The following BMPER variants were observed in gnomAD, a reference collection of about 807,000 sequenced individuals.
BMPER encodes the protein BMP binding endothelial regulator.
In BMPER, 45 loss-of-function variants were observed where a neutral mutation model predicts 87.3. The observed-to-expected ratio is 0.52, with a 90% CI of 0.41 to 0.66. The LOEUF is 0.66. Among genes scored for constraint, BMPER ranks in the 30% least tolerant of loss-of-function variants. The pLI is 0.00. For synonymous variants in BMPER, 326 were observed against 316.2 expected (o/e 1.03, Z -0.33); for missense variants, 784 against 867.5 (o/e 0.90, Z 1.21).
chr7:34,079,652 A>G (rs1237836653), intron 12 of BMPER, among the ~76,000 whole-genome samples: 6 of 152,190 alleles, frequency 3.9e-5, no homozygotes, highest in Admixed American at 1.3e-4. Context: ...TTTGCAGCGG[A>G]GTCCTCAAAA....
chr7:34,034,506 G>A (rs187488481), intron 6 of BMPER, among the ~76,000 whole-genome samples: 51 of 152,238 alleles, frequency 3.4e-4, no homozygotes, highest in African/African-American at 1.2e-3. Context: ...TTCTCAGCCT[G>A]GCACAGCCAC....
chr7:33,918,325 A>G (rs1383149898), intron 2 of BMPER, among the ~76,000 whole-genome samples: 1 of 152,182 alleles, frequency 6.6e-6, no homozygotes, highest in African/African-American at 2.4e-5. Flanking sequence ...ATTATTTTCT[A>G]ATTGAACAGC....
At chr7:34,032,431 G>A (rs930600885) in intron 6 of BMPER, among the ~76,000 whole-genome samples, 1 of 152,058 alleles carries the variant, frequency 6.6e-6, no homozygotes, top group African/African-American at 2.4e-5. Context: ...TCTGGAGTAT[G>A]GTATAAGTTC....
intron 3 of BMPER, among the ~76,000 whole-genome samples, chr7:33,946,333 C>T (rs1002771842): frequency 1.3e-5 from 2 of 152,318 alleles, no homozygotes; most frequent in Admixed American, 6.5e-5. Context: ...GGTAGGAACA[C>T]AGCCAAACAG....
chr7:33,986,669 G>C lies in BMPER; in HGVS notation c.576+11885G>C, dbSNP rs1053000216. Among the ~76,000 whole-genome samples, 10 of 152,236 alleles carry C rather than the reference G, an allele frequency of 6.6e-5. No individual in the cohort carries two copies. In the South Asian group the frequency reaches 1.2e-3, roughly 19 times the overall value. ...AGTAGCTGTGTGAAGAGGATGGAAC[G>C]GGGGGTGAGCTCAGGGGACAGCAAG... On this transcript the variant is annotated intron_variant, in intron 6 of 14. Transcript: ENST00000649409.
At chr7:33,963,239 C>T (rs988959500) in intron 3 of BMPER, among the ~76,000 whole-genome samples, 7 of 152,146 alleles carry the variant, frequency 4.6e-5, no homozygotes, top group African/African-American at 1.7e-4. Context: ...AGTTGTTCCT[C>T]CTGCTCCCAT....
intron 12 of BMPER, among the ~76,000 whole-genome samples, chr7:34,083,508 A>G (rs1049013114): frequency 6.6e-6 from 1 of 152,230 alleles, no homozygotes; most frequent in East Asian, 1.9e-4. Flanking sequence ...CATTGACCAT[A>G]CAGTGATTTC....
intron 3 of BMPER, among the ~76,000 whole-genome samples, chr7:33,938,240 C>T (rs1784659544): frequency 1.3e-5 from 2 of 152,182 alleles, no homozygotes; most frequent in African/African-American, 4.8e-5. Context: ...AGGGTGTGGG[C>T]TCTGGAGTCA....
chr7:33,911,825 T>G (rs1394709336), intron 2 of BMPER, among the ~76,000 whole-genome samples: 1 of 152,232 alleles, frequency 6.6e-6, no homozygotes, highest in Non-Finnish European at 1.5e-5. Flanking sequence ...AATGATTTTT[T>G]ATTGCTGTTG....
Position 33,914,772 on chromosome 7 carries a change from A to T in BMPER, c.219+7869A>T, listed in dbSNP as rs980316803. On this transcript the variant is annotated intron_variant, in intron 2 of 14. Coordinates refer to ENST00000649409, the MANE Select transcript of BMPER (RefSeq NM_001365308.1). ...ATCTAAGAGAAGGATAGAAAAGGAG[A>T]AACCTGTGAAAGAGATGGAAAAATT... Among the ~76,000 whole-genome samples, 3 of 152,182 alleles carry T rather than the reference A, an allele frequency of 2.0e-5. No individual in the cohort carries two copies. The East Asian group carries it at 5.8e-4, about 29-fold the overall frequency.
chr7:33,978,895 G>A (rs1785763913), intron 6 of BMPER, among the ~76,000 whole-genome samples: 1 of 152,058 alleles, frequency 6.6e-6, no homozygotes, highest in African/African-American at 2.4e-5. Flanking sequence ...TATACTTAAA[G>A]TGAAAAGCAG....
chr7:34,078,922 T>A lies in BMPER; in HGVS notation c.1144T>A (p.Phe382Ile). The stretch of plus-strand genomic sequence containing the variant: ...CACTTTTGACGGTCGGACATTTAAC[T>A]TTCAGGGGACGTGTCAGTACGTTTT... Reference protein sequence around the residue: ...YNTFDGRTFNFQGTCQYVLTK... With the variant: ...YNTFDGRTFNIQGTCQYVLTK... Residue 382 changes from phenylalanine to isoleucine, a missense_variant, in exon 12 of 15, where the codon TTT becomes ATT. Phe to Ile is a conservative substitution (Grantham distance 21). Transcript: ENST00000649409. 1 of 1,614,200 alleles carries A rather than the reference T, an allele frequency of 6.2e-7. No homozygotes were observed. Among genetic ancestry groups the A allele is most frequent in the Non-Finnish European group, 8.5e-7 (1 of 1,180,044 alleles).
At chr7:33,964,743 C>T (rs1020075434) in intron 3 of BMPER, among the ~76,000 whole-genome samples, 7 of 152,002 alleles carry the variant, frequency 4.6e-5, no homozygotes, top group African/African-American at 1.7e-4. Context: ...ACTTCCTCCT[C>T]TAAAACAAAA....
intron 10 of BMPER, among the ~76,000 whole-genome samples, chr7:34,060,951 T>A (rs980975859): frequency 3.3e-5 from 5 of 152,228 alleles, no homozygotes; most frequent in African/African-American, 1.2e-4. Context: ...GAAAATGTCC[T>A]TTAGGGTCAG....
chr7:34,078,624 CT>C (rs1393163219), intron 11 of BMPER, among the ~76,000 whole-genome samples: 8 of 152,134 alleles, frequency 5.3e-5, no homozygotes, highest in Non-Finnish European at 8.8e-5. Flanking sequence ...AATAGGCATG[CT>C]TTGAAAATTC....
chr7:33,980,714 CTG>C (rs1785830011), intron 6 of BMPER, among the ~76,000 whole-genome samples: 1 of 152,168 alleles, frequency 6.6e-6, no homozygotes, highest in African/African-American at 2.4e-5. Context: ...AGTCCTCTGT[CTG>C]TAAAACCAGC....
chr7:33,989,798 T>G lies in BMPER; in HGVS notation c.576+15014T>G, dbSNP rs1178470324. On this transcript the variant is annotated intron_variant, in intron 6 of 14. Coordinates refer to ENST00000649409, the MANE Select transcript of BMPER (RefSeq NM_001365308.1). ...ATCTTGAATTGATTTTTGTATAAGG[T>G]GTAAGGAAGGGATCCAGTTTCAGCT... Among the ~76,000 whole-genome samples the G allele has an allele frequency of 7.2e-5, 11 of 152,316 alleles. No homozygotes were observed. The South Asian group carries it at 1.5e-3, about 20-fold the overall frequency.
chr7:34,038,135 G>T (rs756988010), intron 6 of BMPER, among the ~76,000 whole-genome samples: 42 of 152,230 alleles, frequency 2.8e-4, no homozygotes, highest in Non-Finnish European at 4.7e-4. Context: ...TGGCACAAGA[G>T]ACTTTGCAGA....
In BMPER at chr7:34,131,595, G is replaced by A. The variant is rs77346040; in HGVS notation, c.1746-11635G>A. On this transcript the variant is annotated intron_variant, in intron 13 of 14. Transcript: ENST00000649409. ...CCCTTTGAAGCAGGGGGCTGGTGGT[G>A]ACTGCTGCGTGTGGCTGGGGTGTGG... 9.2e-3 allele frequency among the ~76,000 whole-genome samples: 1,397 copies of A among 152,302 alleles called. 14 individuals are homozygous for A. The highest frequency in any genetic ancestry group is 0.031 in the African/African-American group (1,298 of 41,568).
Sources: gnomAD v4.1 joint callset for allele counts (sites outside exome capture counted in the v4.1 genomes callset) on GRCh38, gnomAD v4.1.1 for gene constraint, MANE v1.5 for transcripts, NCBI Gene and HGNC (gene_info 2026-07-23, HGNC 2026-07-21) for gene names.